CRB2: variants seen among roughly 807,000 people sequenced by gnomAD.
The protein encoded by CRB2 is crumbs cell polarity complex component 2.
In CRB2, 85 loss-of-function variants were observed where a neutral mutation model predicts 110.9. That is an observed-to-expected ratio of 0.77 (90% CI 0.64 to 0.92). CRB2 has a LOEUF of 0.92. CRB2 is among the 40% of genes least tolerant of loss of function. CRB2 has a pLI of 0.00. For missense variants in CRB2, 1,843 were observed against 1,851.3 expected (o/e 1.00, Z 0.08); for synonymous variants, 907 against 831.0 (o/e 1.09, Z -1.57).
chr9:123,364,527 C>G (rs1336154998), intron 2 of CRB2, among the ~76,000 whole-genome samples: 1 of 152,058 alleles, frequency 6.6e-6, no homozygotes, highest in African/African-American at 2.4e-5. Flanking sequence ...CCAGACAAGG[C>G]CTGGCTCCCC....
chr9:123,366,508 G>A (rs1233254707), intron 4 of CRB2, 142 bp downstream of exon 4: 3 of 1,072,556 alleles, frequency 2.8e-6, no homozygotes, highest in Non-Finnish European at 3.8e-6. Flanking sequence ...ATTGCAACCT[G>A]TCGGAGCCTC....
chr9:123,367,429 ACCCCCCCCACC>A, intron 5 of CRB2, 72 bp downstream of exon 5: 1 of 919,756 alleles, frequency 1.1e-6, no homozygotes, highest in Admixed American at 4.5e-5. Context: ...CCACCCCCCC[ACCCCCCCCACC>A]CCCCCACCCC....
rs1295704942 is a variant in CRB2 at position 123,365,942 on chromosome 9, C to T, written c.444C>T (p.Asp148=). The change falls in exon 3 of 13, where the codon GAC becomes GAT. Residue 148 remains aspartate (D), a synonymous_variant. Coordinates refer to ENST00000373631, the MANE Select transcript of CRB2 (RefSeq NM_173689.7). The part of the protein sequence containing the change: ...YAGVTCEMEV[D]ECASAPCLHG... ...GCGTGACCTGCGAGATGGAGGTGGA[C>T]GAGTGCGCCTCAGCGCCCTGCCTGC... 24 of 1,596,372 alleles carry T rather than the reference C, an allele frequency of 1.5e-5. No homozygotes were observed. The highest frequency in any genetic ancestry group is 3.3e-5 in the Admixed American group (2 of 59,878).
At chr9:123,375,849 C>T (rs980515497) in intron 12 of CRB2, among the ~76,000 whole-genome samples, 4 of 152,018 alleles carry the variant, frequency 2.6e-5, no homozygotes, top group African/African-American at 4.8e-5. Context: ...CCTGGACAGA[C>T]GAAGGCAGCA....
At chr9:123,359,514 T>G (rs1249641238) in intron 1 of CRB2, among the ~76,000 whole-genome samples, 3 of 140,012 alleles carry the variant, frequency 2.1e-5, no homozygotes. Context: ...AGTGGCAAAA[T>G]CATAGCCCAC....
intron 1 of CRB2, 137 bp downstream of exon 1, chr9:123,356,491 T>C: frequency 2.4e-6 from 1 of 419,380 alleles, no homozygotes; most frequent in Non-Finnish European, 3.9e-6. Context: ...TGCACAGGAG[T>C]GCGCGGCTGT....
Position 123,373,483 on chromosome 9 carries a change from G to T in CRB2, c.2952G>T (p.Val984=). ...LLWLDGAATP[V]ALRGLASDLG... ...GGCTGGATGGTGCCGCCACCCCGGT[G>T]GCGCTGCGCGGCCTGGCCAGTGACC... The change falls in exon 10 of 13, where the codon GTG becomes GTT. Residue 984 remains valine, a synonymous_variant. Coordinates refer to ENST00000373631, the MANE Select transcript of CRB2 (RefSeq NM_173689.7). The T allele has an allele frequency of 6.9e-7, 1 of 1,447,836 alleles. No individual in the cohort carries two copies. The allele number at this position is 1,447,836 out of a possible 1,614,324, so 89.7% of individuals were successfully genotyped here.
rs1395295954 is a variant in CRB2, at chr9:123,363,035, C to T, written c.265C>T (p.Pro89Ser). ...TCTGTGTGTGCCCCAGGGTCCAGAT[C>T]CCACCGGCTTCCGCTGCTACTGCGT... ...GALCVPQGPDPTGFRCYCVPG... is the reference protein window; with the variant it reads ...GALCVPQGPDSTGFRCYCVPG... Residue 89 changes from proline to serine, a missense_variant, in exon 2 of 13, where the codon CCC (proline) becomes TCC (serine). Pro to Ser is a moderately conservative substitution (Grantham distance 74). Coordinates refer to ENST00000373631, the MANE Select transcript of CRB2 (RefSeq NM_173689.7). The T allele has an allele frequency of 6.8e-6, 11 of 1,612,424 alleles. No individual in the cohort carries two copies. Among genetic ancestry groups the T allele is most frequent in the Non-Finnish European group, 9.3e-6 (11 of 1,179,932 alleles).
intron 1 of CRB2, among the ~76,000 whole-genome samples, chr9:123,358,851 G>A (rs938983705): frequency 6.6e-6 from 1 of 150,824 alleles, no homozygotes; most frequent in African/African-American, 2.4e-5. Context: ...AATGCAGTGA[G>A]CGGTTCCCCA....
chr9:123,365,760 G>A (rs998300304), intron 2 of CRB2, among the ~76,000 whole-genome samples, 157 bp from the exon 3 acceptor site: 6 of 152,108 alleles, frequency 3.9e-5, no homozygotes, highest in African/African-American at 1.4e-4. Context: ...GCGGTTGCTG[G>A]CATGACCCGT....
chr9:123,366,293 C>T lies in CRB2; in HGVS notation c.681C>T (p.Cys227=). ...GTHCEREVLE[C]ASAPCEHNAS... is the part of the protein sequence containing the mutation. The stretch of plus-strand genomic sequence containing the variant: ...ACTGCGAGCGGGAGGTGCTGGAGTG[C>T]GCATCGGCGCCCTGCGAGCACAACG... Residue 227 remains cysteine (C), a synonymous_variant, in exon 4 of 13, where the codon TGC becomes TGT. Coordinates refer to ENST00000373631, the MANE Select transcript of CRB2 (RefSeq NM_173689.7). 6.6e-7 allele frequency: 1 copy of T among 1,519,884 alleles called. No homozygotes were observed. The highest frequency in any genetic ancestry group is 2.7e-5 in the East Asian group (1 of 37,524). The allele number at this position is 1,519,884 out of a possible 1,614,324, so 94.1% of individuals were successfully genotyped here.
chr9:123,372,493 CAG>C, intron 9 of CRB2, 151 bp downstream of exon 9: 3 of 998,564 alleles, frequency 3.0e-6, no homozygotes, highest in African/African-American at 1.6e-5. Flanking sequence ...TGTAGAGGGA[CAG>C]AGTTTCTGGA....
In CRB2 at chr9:123,366,071, G is replaced by A; in HGVS notation, c.573G>A (p.Gln191=). 6.4e-7 allele frequency: 1 copy of A among 1,563,858 alleles called. No individual in the cohort carries two copies. Among genetic ancestry groups the A allele is most frequent in the Non-Finnish European group, 8.6e-7 (1 of 1,162,604 alleles). Residue 191 remains glutamine, a synonymous_variant, in exon 3 of 13, where the codon CAG becomes CAA. Transcript: ENST00000373631. ...CQLDLDECQS[Q]PCAHGGTCHD... is the part of the protein sequence containing the mutation. ...TGGACCTCGACGAGTGCCAGAGCCA[G>A]CCGTGCGCACATGGGGGCACGTGCC...
chr9:123,369,164 A>C (rs1306937174), intron 6 of CRB2, among the ~76,000 whole-genome samples: 1 of 151,848 alleles, frequency 6.6e-6, no homozygotes, highest in Non-Finnish European at 1.5e-5. Flanking sequence ...GGATCCCTAG[A>C]GGGAGGATGA....
chr9:123,378,798 G>GTTTTGTTTTTTT (rs2042147902), downstream of CRB2: 1 of 71,734 alleles, frequency 1.4e-5, no homozygotes, highest in Non-Finnish European at 2.4e-5. Context: ...TCGGGTGCCT[G>GTTTTGTTTTTTT]TTTTTTGTTT....
intron 2 of CRB2, among the ~76,000 whole-genome samples, chr9:123,364,462 C>T (rs761223570): frequency 3.4e-5 from 5 of 145,830 alleles, no homozygotes; most frequent in South Asian, 2.3e-4. Flanking sequence ...CAGCATCTGC[C>T]GTGACTCATT....
rs761330662 is a variant in CRB2, at chr9:123,365,909, C to T, written c.419-8C>T. ...TCCTGCACCCTGTGTGTCCCCTGCC[C>T]TGTCCAGGCGTGACCTGCGAGATGG... On this transcript the variant is annotated splice_polypyrimidine_tract_variant and splice_region_variant and intron_variant, in intron 2 of 12. Transcript: ENST00000373631. 2 of 1,588,206 alleles carry T rather than the reference C, an allele frequency of 1.3e-6. No homozygotes were observed. Among genetic ancestry groups the T allele is most frequent in the Non-Finnish European group, 1.7e-6 (2 of 1,174,672 alleles).
intron 1 of CRB2, among the ~76,000 whole-genome samples, chr9:123,356,598 A>T: frequency 1.9e-5 from 1 of 53,162 alleles, no homozygotes; most frequent in African/African-American, 7.6e-5. Flanking sequence ...GGGTTGGGGG[A>T]TCGGGGGCTG....
chr9:123,370,775 G>A lies in CRB2; in HGVS notation c.1722G>A (p.Ala574=). ...AGISSAQLGD[A]TFAGCLQDVR... Reference sequence around the variant, plus strand: ...TCTCCTCTGCCCAGCTGGGGGACGCGACCTTTGCAGGCTGCCTCCAGGACG... The same window carrying A: ...TCTCCTCTGCCCAGCTGGGGGACGCAACCTTTGCAGGCTGCCTCCAGGACG... The change falls in exon 7 of 13, where the codon GCG becomes GCA. Residue 574 remains alanine (A), a synonymous_variant. Transcript: ENST00000373631. 1.9e-6 allele frequency: 3 copies of A among 1,602,604 alleles called. No homozygotes were observed. Among genetic ancestry groups the A allele is most frequent in the Non-Finnish European group, 1.7e-6 (2 of 1,179,924 alleles).
Sources: gnomAD v4.1 joint callset for allele counts (sites outside exome capture counted in the v4.1 genomes callset) on GRCh38, gnomAD v4.1.1 for gene constraint, MANE v1.5 for transcripts, NCBI Gene and HGNC (gene_info 2026-07-23, HGNC 2026-07-21) for gene names.